The following TGM6 variants were observed in gnomAD, a reference collection of about 807,000 sequenced individuals.
The protein encoded by TGM6 is protein-glutamine gamma-glutamyltransferase 6.
TGM6 carries 74 observed loss-of-function variants against 77.5 expected under a neutral mutation model. The observed-to-expected ratio is 0.96, with a 90% confidence interval of 0.79 to 1.16. The LOEUF (loss-of-function observed/expected upper bound fraction) is 1.16, where lower values mean the gene tolerates loss of function less well. Ranked by LOEUF, TGM6 falls within the 50% of genes most tolerant of loss-of-function variation. TGM6 has a pLI of 0.00. For synonymous variants in TGM6, 383 were observed against 378.9 expected (o/e 1.01, Z -0.12); for missense variants, 968 against 940.2 (o/e 1.03, Z -0.39).
intron 5 of TGM6, 104 bp downstream of exon 5, chr20:2,398,150 G>T (rs763553690): frequency 5.7e-5 from 91 of 1,589,088 alleles, no homozygotes; most frequent in Non-Finnish European, 7.7e-5. Flanking sequence ...GTTTTAATTC[G>T]CTGTTGTTGC....
chr20:2,381,110 A>G, intron 1 of TGM6, 135 bp downstream of exon 1: 1 of 1,339,646 alleles, frequency 7.5e-7, no homozygotes, highest in Non-Finnish European at 1.0e-6. Flanking sequence ...TGAACACATG[A>G]ACTCTTCGTG....
At chr20:2,415,251 C>T (rs189534202) in intron 9 of TGM6, among the ~76,000 whole-genome samples, 3 of 152,260 alleles carry the variant, frequency 2.0e-5, no homozygotes, top group South Asian at 2.1e-4. Flanking sequence ...CATCAAGTGA[C>T]CACCAAGTGA....
chr20:2,410,977 T>A (rs1012556691), intron 9 of TGM6, among the ~76,000 whole-genome samples: 1 of 152,182 alleles, frequency 6.6e-6, no homozygotes, highest in African/African-American at 2.4e-5. Context: ...ACTAGTAATA[T>A]GAAAACTTCC....
At chr20:2,417,031 TCA>T (rs1237500750) in intron 9 of TGM6, among the ~76,000 whole-genome samples, 199 bp from the exon 10 acceptor site, 5 of 152,332 alleles carry the variant, frequency 3.3e-5, no homozygotes, top group African/African-American at 1.2e-4. Flanking sequence ...GACCCAGCTC[TCA>T]GAGAAGCTGG....
At chr20:2,381,367 A>C (rs1446139094) in intron 1 of TGM6, among the ~76,000 whole-genome samples, 1 of 152,148 alleles carries the variant, frequency 6.6e-6, no homozygotes, top group Non-Finnish European at 1.5e-5. Flanking sequence ...CGTGGGAAGG[A>C]GTGAGAGGCC....
At chr20:2,397,135 A>C (rs750010734) in intron 4 of TGM6, among the ~76,000 whole-genome samples, 14 of 152,350 alleles carry the variant, frequency 9.2e-5, no homozygotes, top group Non-Finnish European at 1.2e-4. Flanking sequence ...AAGCAAAGGG[A>C]GTCCAGAAGA....
At chr20:2,398,711 G>A (rs1365309886) in intron 5 of TGM6, among the ~76,000 whole-genome samples, 1 of 152,076 alleles carries the variant, frequency 6.6e-6, no homozygotes, top group Admixed American at 6.6e-5. Context: ...CCAGACTCAA[G>A]AGGAACCCTC....
chr20:2,381,357 C>T (rs574893971), intron 1 of TGM6, among the ~76,000 whole-genome samples: 3 of 152,234 alleles, frequency 2.0e-5, no homozygotes, highest in African/African-American at 7.2e-5. Context: ...TTGTGGCCTG[C>T]GTGGGAAGGA....
At chr20:2,384,968 G>C (rs944278759) in intron 1 of TGM6, among the ~76,000 whole-genome samples, 9 of 152,168 alleles carry the variant, frequency 5.9e-5, no homozygotes, top group African/African-American at 2.2e-4. Flanking sequence ...TGCCAGTTCT[G>C]TCCTCAGGGC....
chr20:2,417,687 A>T, intron 10 of TGM6, 114 bp downstream of exon 10: 4 of 1,198,910 alleles, frequency 3.3e-6, no homozygotes, highest in Non-Finnish European at 4.8e-6. Context: ...GGAAGGGGAC[A>T]TTCCTGAGCA....
At chr20:2,418,813 A>C (rs2084835733) in intron 10 of TGM6, among the ~76,000 whole-genome samples, 1 of 152,018 alleles carries the variant, frequency 6.6e-6, no homozygotes, top group South Asian at 2.1e-4. Flanking sequence ...GCGGTGGCTC[A>C]CGCCTGTAAT....
At chr20:2,416,933 C>T (rs2084820218) in intron 9 of TGM6, among the ~76,000 whole-genome samples, 1 of 152,046 alleles carries the variant, frequency 6.6e-6, no homozygotes, top group Non-Finnish European at 1.5e-5. Context: ...TGTAGTACCT[C>T]CTAGAGAAAA....
At chr20:2,381,959 A>G (rs867266459) in intron 1 of TGM6, among the ~76,000 whole-genome samples, 1 of 140,030 alleles carries the variant, frequency 7.1e-6, no homozygotes, top group Non-Finnish European at 1.5e-5. Context: ...CCACGACCTC[A>G]ATATAGTGAG....
chr20:2,383,145 G>A (rs2084567515), intron 1 of TGM6, among the ~76,000 whole-genome samples: 1 of 152,194 alleles, frequency 6.6e-6, no homozygotes, highest in Admixed American at 6.5e-5. Context: ...ATTTAGTCAT[G>A]GAGTTCAGGT....
rs10548828 is a variant in TGM6, at chr20:2,396,180, C to CA, written c.425-311dup. ...GGGCAACAAGAGCAAAACTCTATCT[C>CA]AAAAAAAAAAAAAAAGAAAAGAAAA... On this transcript the variant is annotated intron_variant, in intron 3 of 12. Coordinates refer to ENST00000202625, the MANE Select transcript of TGM6 (RefSeq NM_198994.3). Among the ~76,000 whole-genome samples the CA allele has an allele frequency of 2.6e-3, 324 of 126,804 alleles. 6 individuals carry two copies. In the East Asian group the frequency reaches 0.046, roughly 18 times the overall value. The allele number at this position is 126,804 out of a possible 152,430, so 83.2% of individuals were successfully genotyped here. A position where few individuals can be genotyped will look rare whatever the true frequency, so the allele number is the denominator to read the frequency against.
At position 2,395,447 on chromosome 20, in the gene TGM6, C is replaced by T. The variant is rs947546368; in HGVS notation, c.424+11C>T. 5 of 1,614,214 alleles carry T rather than the reference C, an allele frequency of 3.1e-6. No homozygotes were observed. The highest frequency in any genetic ancestry group is 4.2e-6 in the Non-Finnish European group (5 of 1,180,046). On this transcript the variant is annotated intron_variant, in intron 3 of 12. Coordinates refer to ENST00000202625, the MANE Select transcript of TGM6 (RefSeq NM_198994.3). ...ACCCATGGTGTGCAGGTAGGAGTGG[C>T]CAAGTCCAATGCAGAGGTTTTTCCA...
In TGM6 at chr20:2,403,733, AAC is replaced by A. The variant is rs1247170486; in HGVS notation, c.1249_1250del (p.Thr417GlufsTer15). The A allele has an allele frequency of 1.9e-6, 3 of 1,614,082 alleles. No individual in the cohort carries two copies. Among genetic ancestry groups the A allele is most frequent in the African/African-American group, 2.7e-5 (2 of 74,938 alleles). On this transcript the variant is annotated frameshift_variant, in exon 9 of 13. Coordinates refer to ENST00000202625, the MANE Select transcript of TGM6 (RefSeq NM_198994.3). LOFTEE classifies it high-confidence loss of function. ...EDESRERVYS[N>X]TKKIGRCIST... is the part of the protein sequence containing the mutation. ...TGAGAGCCGGGAGCGTGTATACTCA[AAC>A]ACGAAGAAGATTGGGAGATGCATCA...
intron 1 of TGM6, among the ~76,000 whole-genome samples, chr20:2,383,829 C>T (rs1035301730): frequency 1.3e-5 from 2 of 152,148 alleles, no homozygotes; most frequent in South Asian, 2.1e-4. Flanking sequence ...GTTTGTAGGC[C>T]GGGCGCGGTG....
chr20:2,390,314 T>C (rs544154784), intron 1 of TGM6, among the ~76,000 whole-genome samples: 113 of 152,322 alleles, frequency 7.4e-4, no homozygotes, highest in Non-Finnish European at 1.3e-3. Flanking sequence ...TATCTGTGCA[T>C]GTATGTATGT....
Sources: allele counts gnomAD v4.1 joint callset (sites outside exome capture counted in the v4.1 genomes callset), GRCh38; gene constraint gnomAD v4.1.1; transcripts MANE v1.5; gene names NCBI Gene and HGNC (gene_info 2026-07-23, HGNC 2026-07-21).